The following ADGB variants were observed in gnomAD, a reference collection of about 807,000 sequenced individuals.
ADGB encodes androglobin, also known as calpain-7-like protein.
ADGB carries 172 observed loss-of-function variants against 210.5 expected under a neutral mutation model. That is an observed-to-expected ratio of 0.82 (90% CI 0.72 to 0.93). The LOEUF (loss-of-function observed/expected upper bound fraction) is 0.93, where lower values mean the gene tolerates loss of function less well. ADGB is among the 40% of genes least tolerant of loss of function. The pLI is 0.00. For missense variants in ADGB, 2,025 were observed against 1,964.8 expected, an observed-to-expected ratio of 1.03 and a Z score of -0.58; for synonymous variants, 658 against 662.7, an observed-to-expected ratio of 0.99 and a Z score of 0.11.
intron 13 of ADGB, among the ~76,000 whole-genome samples, chr6:146,705,163 A>G (rs555069777): frequency 1.3e-5 from 2 of 152,044 alleles, no homozygotes; most frequent in African/African-American, 4.8e-5. Context: ...TATTGAGTTT[A>G]TATATTAGAT....
At chr6:146,729,736 C>A (rs1262787602) in intron 20 of ADGB, among the ~76,000 whole-genome samples, 2 of 152,192 alleles carry the variant, frequency 1.3e-5, no homozygotes, top group East Asian at 3.8e-4. Flanking sequence ...CAGCATTGCG[C>A]CTGGCCAACA....
chr6:146,752,669 C>A lies in ADGB; in HGVS notation c.3505C>A (p.Pro1169Thr), dbSNP rs1381925720. 1 of 1,550,552 alleles carries A rather than the reference C, an allele frequency of 6.4e-7. No individual in the cohort carries two copies. Among genetic ancestry groups the A allele is most frequent in the African/African-American group, 1.4e-5 (1 of 72,942 alleles). ...CACTGGAAAAGGCCAAGCTATAATC[C>A]CAGCATTTCACTTCTTGAAGAGTGA... ...SSTGKGQAII[P>T]AFHFLKSEKG... The change falls in exon 27 of 36, where the codon CCA (proline) becomes ACA (threonine). Residue 1169 changes from proline (P) to threonine (T), a missense_variant. By Grantham distance (38) the Pro-to-Thr change is conservative. Coordinates refer to ENST00000397944, the MANE Select transcript of ADGB (RefSeq NM_024694.4).
chr6:146,638,046 A>T (rs1488456147), intron 2 of ADGB, among the ~76,000 whole-genome samples: 3 of 152,076 alleles, frequency 2.0e-5, no homozygotes, highest in Admixed American at 1.3e-4. Flanking sequence ...ACCATGATCA[A>T]GTAGGCTTCA....
intron 13 of ADGB, among the ~76,000 whole-genome samples, chr6:146,710,951 A>G (rs990399438): frequency 3.3e-5 from 5 of 152,198 alleles, no homozygotes; most frequent in Non-Finnish European, 5.9e-5. Context: ...AATGCCTAGC[A>G]TATAGCAAAC....
At chr6:146,670,613 G>A (rs1775993262) in intron 7 of ADGB, among the ~76,000 whole-genome samples, 2 of 152,090 alleles carry the variant, frequency 1.3e-5, no homozygotes, top group Non-Finnish European at 2.9e-5. Context: ...CCACATTTCA[G>A]CTTCCCTTAT....
chr6:146,790,110 A>C (rs1206559460), intron 33 of ADGB, among the ~76,000 whole-genome samples: 1 of 152,218 alleles, frequency 6.6e-6, no homozygotes, highest in African/African-American at 2.4e-5. Context: ...GTTTTGATAC[A>C]TGTATAGGTT....
intron 2 of ADGB, among the ~76,000 whole-genome samples, chr6:146,644,337 T>G (rs1477992909): frequency 6.6e-6 from 1 of 151,980 alleles, no homozygotes; most frequent in African/African-American, 2.4e-5. Flanking sequence ...TTTATTTATA[T>G]ATAATCTTGT....
At chr6:146,670,630 T>A (rs1018126801) in intron 7 of ADGB, among the ~76,000 whole-genome samples, 8 of 152,150 alleles carry the variant, frequency 5.3e-5, no homozygotes, top group African/African-American at 1.7e-4. Context: ...TTATTTCATT[T>A]TCATCATGGA....
chr6:146,724,311 G>A lies in ADGB; in HGVS notation c.2221G>A (p.Val741Ile), dbSNP rs147566385. 2.9e-5 allele frequency: 45 copies of A among 1,540,278 alleles called. No homozygotes were observed. The African/African-American group carries it at 5.2e-4, about 18-fold the overall frequency. ...IHTYATKATV[V>I]RLPVGRHMLL... ...CACATATGCTACCAAGGCTACAGTG[G>A]TTCGTCTGCCTGTTGGGTATGAAGT... The change falls in exon 18 of 36, where the codon GTT becomes ATT. Residue 741 changes from valine (V) to isoleucine (I), a missense_variant. Coordinates refer to ENST00000397944, the MANE Select transcript of ADGB (RefSeq NM_024694.4).
In ADGB at chr6:146,734,002, T is replaced by C. The variant is rs554511055; in HGVS notation, c.2766T>C (p.Val922=). 5.7e-5 allele frequency: 89 copies of C among 1,551,538 alleles called. No individual in the cohort carries two copies. The South Asian group carries it at 1.0e-3, about 18-fold the overall frequency. Residue 922 remains valine, a synonymous_variant, in exon 22 of 36, where the codon GTT becomes GTC. Coordinates refer to ENST00000397944, the MANE Select transcript of ADGB (RefSeq NM_024694.4). ...KIQAMWRGTY[V]RLLMKARIPD... The stretch of plus-strand genomic sequence containing the variant: ...AAGCCATGTGGAGAGGAACTTACGT[T>C]AGATTGCTTATGAAAGCCAGAATAC...
intron 1 of ADGB, among the ~76,000 whole-genome samples, chr6:146,623,222 C>T (rs1046916824): frequency 6.6e-6 from 1 of 151,828 alleles, no homozygotes; most frequent in East Asian, 1.9e-4. Flanking sequence ...ATTAAAAAAG[C>T]CTGCTGGGAT....
intron 27 of ADGB, among the ~76,000 whole-genome samples, chr6:146,759,556 A>C (rs1777457705): frequency 6.6e-6 from 1 of 151,774 alleles, no homozygotes; most frequent in Non-Finnish European, 1.5e-5. Flanking sequence ...AGGCTCCTAC[A>C]GAGAGTGATC....
intron 29 of ADGB, among the ~76,000 whole-genome samples, chr6:146,769,758 A>T (rs1322607328): frequency 6.6e-6 from 1 of 152,172 alleles, no homozygotes; most frequent in Non-Finnish European, 1.5e-5. Flanking sequence ...TCATAAAATA[A>T]TATATGCATG....
rs561295516 is a variant in ADGB, at chr6:146,785,658, T to A, written c.4261T>A (p.Ser1421Thr). The change falls in exon 32 of 36, where the codon TCT (serine) becomes ACT (threonine). Residue 1421 changes from serine to threonine, a missense_variant. Transcript: ENST00000397944. ...HYLSGFIKKTSDAESPPISES... is the reference protein window; with the variant it reads ...HYLSGFIKKTTDAESPPISES... Reference sequence around the variant, plus strand: ...CCTTAGCGGGTTCATTAAGAAAACATCTGATGCTGAGAGTCCGCCTATATC... The same window carrying A: ...CCTTAGCGGGTTCATTAAGAAAACAACTGATGCTGAGAGTCCGCCTATATC... 2 of 1,551,118 alleles carry A rather than the reference T, an allele frequency of 1.3e-6. No homozygotes were observed. The highest frequency in any genetic ancestry group is 1.4e-5 in the African/African-American group (1 of 73,012).
chr6:146,694,777 T>C (rs1776381732), intron 12 of ADGB, among the ~76,000 whole-genome samples: 1 of 152,144 alleles, frequency 6.6e-6, no homozygotes, highest in Admixed American at 6.6e-5. Flanking sequence ...AAAAATACTG[T>C]GTAAGTTATT....
At chr6:146,700,380 A>G (rs992737681) in intron 12 of ADGB, among the ~76,000 whole-genome samples, 2 of 152,228 alleles carry the variant, frequency 1.3e-5, no homozygotes, top group Non-Finnish European at 2.9e-5. Context: ...GATGAAGTCT[A>G]TGTACATGGA....
chr6:146,789,483 G>A (rs1157676817), intron 33 of ADGB, among the ~76,000 whole-genome samples: 1 of 152,154 alleles, frequency 6.6e-6, no homozygotes, highest in Non-Finnish European at 1.5e-5. Context: ...TCTCAAAATT[G>A]CTAAACAATT....
At chr6:146,690,067 T>G (rs1052387175) in intron 10 of ADGB, among the ~76,000 whole-genome samples, 1 of 152,176 alleles carries the variant, frequency 6.6e-6, no homozygotes, top group East Asian at 1.9e-4. Flanking sequence ...GACTCACTAG[T>G]GCACTGATTA....
chr6:146,701,841 G>A (rs1204320254), intron 13 of ADGB, among the ~76,000 whole-genome samples: 1 of 151,936 alleles, frequency 6.6e-6, no homozygotes, highest in Non-Finnish European at 1.5e-5. Flanking sequence ...AGGAGTATCT[G>A]TAGATGGGGA....
Sources: allele counts gnomAD v4.1 joint callset (sites outside exome capture counted in the v4.1 genomes callset), GRCh38; gene constraint gnomAD v4.1.1; transcripts MANE v1.5; gene names NCBI Gene and HGNC (gene_info 2026-07-23, HGNC 2026-07-21).